PLEKHA6: variants seen among roughly 807,000 people sequenced by gnomAD.
The protein encoded by PLEKHA6 is pleckstrin homology domain containing A6.
PLEKHA6 carries 60 observed loss-of-function variants against 116.7 expected under a neutral mutation model. The observed-to-expected ratio is 0.51, with a 90% CI of 0.42 to 0.64. PLEKHA6 has a LOEUF of 0.64. Ranked by LOEUF, PLEKHA6 falls within the 30% of genes least tolerant of loss-of-function variation. The pLI is 0.00. For missense variants in PLEKHA6, 1,338 were observed against 1,422.7 expected, an observed-to-expected ratio of 0.94 and a Z score of 0.96; for synonymous variants, 489 against 556.1, an observed-to-expected ratio of 0.88 and a Z score of 1.70.
At chr1:204,348,629 T>G (rs61607090) in intron 1 of PLEKHA6, among the ~76,000 whole-genome samples, 20,713 of 151,470 alleles carry the variant, frequency 0.14, 3,595 homozygotes, top group African/African-American at 0.41. Context: ...TAAATATTTA[T>G]AGGGTCAGCA....
chr1:204,323,178 T>G (rs756880369), intron 1 of PLEKHA6, among the ~76,000 whole-genome samples: 5 of 152,248 alleles, frequency 3.3e-5, no homozygotes, highest in African/African-American at 4.8e-5. Context: ...TCCGGGAGCT[T>G]GCACTCATGT....
At chr1:204,378,026 AC>A (rs1208963259), upstream of PLEKHA6, 1 of 152,074 alleles carries the variant, frequency 6.6e-6, no homozygotes, top group Non-Finnish European at 1.5e-5. Context: ...TCCTGCCGGG[AC>A]TGTTAACGGG....
chr1:204,318,269 G>C (rs1278735410), intron 1 of PLEKHA6, among the ~76,000 whole-genome samples: 2 of 152,162 alleles, frequency 1.3e-5, no homozygotes, highest in Non-Finnish European at 2.9e-5. Flanking sequence ...TAGAGGATCC[G>C]AGAGCACAGG....
chr1:204,337,559 A>G (rs572055307), intron 1 of PLEKHA6, among the ~76,000 whole-genome samples: 2 of 152,386 alleles, frequency 1.3e-5, no homozygotes, highest in South Asian at 4.1e-4. Context: ...GAAAGAATTA[A>G]TGAGCTCTCG....
At chr1:204,275,824 G>C (rs1330585918) in intron 1 of PLEKHA6, 5 of 486,036 alleles carry the variant, frequency 1.0e-5, no homozygotes, top group Non-Finnish European at 1.3e-5. Flanking sequence ...GATGAGTTAA[G>C]GGCCTTTTCA....
chr1:204,271,123 A>AT (rs988007863), intron 3 of PLEKHA6, among the ~76,000 whole-genome samples: 6 of 151,642 alleles, frequency 4.0e-5, no homozygotes, highest in East Asian at 3.9e-4. Flanking sequence ...AAACATTATG[A>AT]TTTTTTTTTC....
chr1:204,230,386 G>A (rs762353854), intron 18 of PLEKHA6, 27 bp downstream of exon 18: 36 of 1,537,626 alleles, frequency 2.3e-5, no homozygotes, highest in East Asian at 1.4e-4. Context: ...CCAGGCTCAC[G>A]CCTGTGGGTA....
intron 1 of PLEKHA6, among the ~76,000 whole-genome samples, chr1:204,326,480 T>C (rs1672248558): frequency 1.3e-5 from 2 of 152,260 alleles, no homozygotes; most frequent in South Asian, 4.1e-4. Context: ...AACAAGACTT[T>C]GCATGGCTGC....
At chr1:204,313,932 C>T (rs1449600121) in intron 1 of PLEKHA6, among the ~76,000 whole-genome samples, 1 of 152,140 alleles carries the variant, frequency 6.6e-6, no homozygotes, top group Non-Finnish European at 1.5e-5. Context: ...TTCTGCCCTC[C>T]TACTTATCTG....
At chr1:204,268,578 CTT>C (rs68190806) in intron 3 of PLEKHA6, among the ~76,000 whole-genome samples, 1,575 of 136,592 alleles carry the variant, frequency 0.012, 21 homozygotes, top group African/African-American at 0.033. Context: ...GTCTCACAGC[CTT>C]TTTTTTTTTT....
intron 1 of PLEKHA6, among the ~76,000 whole-genome samples, chr1:204,278,792 C>G (rs905851568): frequency 2.0e-5 from 3 of 152,102 alleles, no homozygotes; most frequent in Non-Finnish European, 2.9e-5. Context: ...TTCTTGGGCC[C>G]TCTCCTGATG....
At position 204,228,138 on chromosome 1, in the gene PLEKHA6, A is replaced by C. The variant is rs1484233540; in HGVS notation, c.2976T>G (p.Ile992Met). The C allele has an allele frequency of 1.2e-6, 2 of 1,613,254 alleles. No individual in the cohort carries two copies. The highest frequency in any genetic ancestry group is 1.7e-6 in the Non-Finnish European group (2 of 1,179,496). Residue 992 changes from isoleucine to methionine, a missense_variant, in exon 21 of 23, where the codon ATT (isoleucine) becomes ATG (methionine). Around this residue, in one of 3 missense-constraint regions of PLEKHA6, gnomAD observed 1,136 missense variants for 1,163.6 expected, o/e 0.98. Coordinates refer to ENST00000272203, the MANE Select transcript of PLEKHA6 (RefSeq NM_014935.5). This position sits in a 1 kb window ranked among gnomAD's most constrained non-coding sequence, Gnocchi z 4.0. ...ESQLQEQEKRIEISCALATEA... is the reference protein window; with the variant it reads ...ESQLQEQEKRMEISCALATEA... Reference sequence around the variant, plus strand: ...CGGTCGCCAGGGCGCAGGAGATTTCAATCCGCTTCTCCTGCTCCTGCAGCT... The same window carrying C: ...CGGTCGCCAGGGCGCAGGAGATTTCCATCCGCTTCTCCTGCTCCTGCAGCT...
rs184580698 is a variant in PLEKHA6, at chr1:204,221,482, C to G, written c.*1306G>C. 1 of 152,618 alleles carries G rather than the reference C, an allele frequency of 6.6e-6. No individual in the cohort carries two copies. Among genetic ancestry groups the G allele is most frequent in the African/African-American group, 2.4e-5 (1 of 41,440 alleles). 9.5% of individuals were successfully genotyped at this position (152,618 alleles called of 1,614,324 possible). On this transcript the variant is annotated 3_prime_UTR_variant, in exon 23 of 23. Transcript: ENST00000272203. Reference sequence around the variant, plus strand: ...TTCTCTGTCTTCCCCGCTGCCCTCCCGGGGCAGGTGGATCATGAGAGCGCC... The same window carrying G: ...TTCTCTGTCTTCCCCGCTGCCCTCCGGGGGCAGGTGGATCATGAGAGCGCC...
At chr1:204,307,027 A>G (rs1671384481) in intron 1 of PLEKHA6, among the ~76,000 whole-genome samples, 1 of 152,196 alleles carries the variant, frequency 6.6e-6, no homozygotes, top group Non-Finnish European at 1.5e-5. Flanking sequence ...AGAGACCCCG[A>G]GGAAGATGAA....
intron 1 of PLEKHA6, among the ~76,000 whole-genome samples, chr1:204,374,730 G>A (rs966299698): frequency 6.6e-6 from 1 of 151,866 alleles, no homozygotes; most frequent in Non-Finnish European, 1.5e-5. Context: ...GTCTAAACAC[G>A]CTGCCTCCCA....
intron 1 of PLEKHA6, among the ~76,000 whole-genome samples, chr1:204,305,343 G>A (rs1008831258): frequency 9.9e-5 from 15 of 152,168 alleles, no homozygotes; most frequent in African/African-American, 7.2e-5. Flanking sequence ...ACTGCGGCAC[G>A]CTGGATTAGG....
intron 11 of PLEKHA6, 102 bp from the exon 12 acceptor site, chr1:204,249,072 G>A: frequency 2.0e-6 from 3 of 1,481,824 alleles, no homozygotes; most frequent in Non-Finnish European, 2.8e-6. Flanking sequence ...GCAGCTGAGT[G>A]GAAGCTGTCC....
chr1:204,258,635 C>G (rs910751103), intron 8 of PLEKHA6, among the ~76,000 whole-genome samples: 4 of 152,236 alleles, frequency 2.6e-5, no homozygotes, highest in African/African-American at 9.6e-5. Flanking sequence ...CTGCCCAAAT[C>G]CCCAGGGAAG....
rs748724827 is a variant in PLEKHA6 at position 204,223,052 on chromosome 1, G to A, written c.*9-273C>T. Among the ~76,000 whole-genome samples, 16 of 152,204 alleles carry A rather than the reference G, an allele frequency of 1.1e-4. No homozygotes were observed. Among genetic ancestry groups the A allele is most frequent in the African/African-American group, 2.7e-4 (11 of 41,450 alleles). On this transcript the variant is annotated intron_variant, in intron 22 of 22. Transcript: ENST00000272203. The surrounding 1 kb of genome is among the most constrained non-coding windows in gnomAD (Gnocchi z 4.8). ...TTAATTTACAGTAAGATCTGGGAGT[G>A]GAGAAACAGCTTCTGAGGGCTTCTG...
Sources: gnomAD v4.1 joint callset for allele counts (sites outside exome capture counted in the v4.1 genomes callset) on GRCh38, gnomAD v4.1.1 for gene constraint, gnomAD v4.1.1 regional missense constraint, Gnocchi (gnomAD v3.1) non-coding constraint, MANE v1.5 for transcripts, NCBI Gene and HGNC (gene_info 2026-07-23, HGNC 2026-07-21) for gene names.